The following MARCO variants were observed in gnomAD, a reference collection of about 807,000 sequenced individuals.
MARCO encodes macrophage receptor with collagenous structure.
Under a neutral mutation model 70.0 loss-of-function variants are expected in MARCO, and 72 were observed. The ratio of observed to expected loss-of-function variants is 1.03; its 90% CI spans 0.85 to 1.25. The LOEUF is 1.25. Among genes scored for constraint, MARCO ranks in the 50% most tolerant of loss-of-function variants. The probability of loss-of-function intolerance (pLI) is 0.00; values close to 1 mark genes in which losing one functional copy is unlikely to be tolerated. For synonymous variants in MARCO, 273 were observed against 243.1 expected, an observed-to-expected ratio of 1.12 and a Z score of -1.14; for missense variants, 696 against 659.3, an observed-to-expected ratio of 1.06 and a Z score of -0.61.
intron 1 of MARCO, among the ~76,000 whole-genome samples, chr2:118,954,955 C>A (rs1484626075): frequency 1.3e-5 from 2 of 151,996 alleles, no homozygotes; most frequent in East Asian, 1.9e-4. Context: ...ACAGAACCTA[C>A]CCAAATGAGA....
chr2:118,970,407 A>G (rs1435458321), intron 3 of MARCO, 69 bp downstream of exon 3: 9 of 1,205,514 alleles, frequency 7.5e-6, no homozygotes, highest in Non-Finnish European at 7.1e-6. Context: ...ATCAGGAACC[A>G]GGAAATTAAG....
rs536112542 is a variant in MARCO at position 118,978,870 on chromosome 2, A to G, written c.766+935A>G. On this transcript the variant is annotated intron_variant, in intron 8 of 16. Transcript: ENST00000327097. ...TAGTATTAGTAATAATAATAGTAGT[A>G]GTAGTTATCCTGTAACGTAGAAAGG... Among the ~76,000 whole-genome samples, 6 of 152,308 alleles carry G rather than the reference A, an allele frequency of 3.9e-5. No individual in the cohort carries two copies. The South Asian group carries it at 1.2e-3, about 32-fold the overall frequency.
At chr2:118,991,617 G>A (rs2104613643) in intron 13 of MARCO, among the ~76,000 whole-genome samples, 160 bp from the exon 14 acceptor site, 1 of 152,318 alleles carries the variant, frequency 6.6e-6, no homozygotes, top group East Asian at 1.9e-4. Context: ...GATCAGTGCA[G>A]CCCCCAGATG....
chr2:118,989,858 A>G (rs1328850252), intron 12 of MARCO, among the ~76,000 whole-genome samples: 1 of 152,234 alleles, frequency 6.6e-6, no homozygotes, highest in Admixed American at 6.5e-5. Context: ...TAAAATAAAT[A>G]TTGGCACTTA....
At chr2:118,944,042 A>C (rs773238188) in intron 1 of MARCO, among the ~76,000 whole-genome samples, 13 of 152,162 alleles carry the variant, frequency 8.5e-5, no homozygotes, top group Non-Finnish European at 1.9e-4. Flanking sequence ...AATCAGATCA[A>C]TTGGACTGCA....
chr2:118,948,801 A>ATGTT (rs70949952), intron 1 of MARCO, among the ~76,000 whole-genome samples: 33,506 of 151,676 alleles, frequency 0.22, 5,627 homozygotes, highest in African/African-American at 0.47. Flanking sequence ...AATTGAAGCT[A>ATGTT]TGTTTGTTTG....
chr2:118,988,079 A>T (rs1226284616), intron 12 of MARCO, among the ~76,000 whole-genome samples: 1 of 152,172 alleles, frequency 6.6e-6, no homozygotes, highest in Non-Finnish European at 1.5e-5. Context: ...TCTGTAAAGG[A>T]GGGAAATCAC....
At chr2:118,986,781 T>C (rs10165780) in intron 12 of MARCO, among the ~76,000 whole-genome samples, 7,813 of 110,812 alleles carry the variant, frequency 0.071, 1,824 homozygotes, top group African/African-American at 0.32. Flanking sequence ...AAAGAAAGAG[T>C]GTGAGAGAAA....
chr2:118,954,067 A>G (rs1679780138), intron 1 of MARCO, among the ~76,000 whole-genome samples: 1 of 152,224 alleles, frequency 6.6e-6, no homozygotes, highest in Non-Finnish European at 1.5e-5. Context: ...AAGCCTCCTG[A>G]CCAGAACTCA....
At chr2:118,984,560 CA>C (rs569627642) in intron 12 of MARCO, among the ~76,000 whole-genome samples, 121 of 152,314 alleles carry the variant, frequency 7.9e-4, no homozygotes, top group African/African-American at 2.8e-3. Flanking sequence ...GCAGGTTGCC[CA>C]CCCGAGTCCA....
intron 4 of MARCO, among the ~76,000 whole-genome samples, chr2:118,972,022 G>T (rs557807294): frequency 5.3e-5 from 8 of 152,210 alleles, no homozygotes; most frequent in Non-Finnish European, 1.0e-4. Flanking sequence ...TTCTAATCCT[G>T]GGCCTGGGGC....
At chr2:118,976,530 C>T (rs1240926985) in intron 6 of MARCO, among the ~76,000 whole-genome samples, 1 of 152,142 alleles carries the variant, frequency 6.6e-6, no homozygotes, top group Admixed American at 6.5e-5. Flanking sequence ...CTCCCTGCCC[C>T]TGCCCCTGCC....
At chr2:118,985,475 C>T (rs1047842976) in intron 12 of MARCO, among the ~76,000 whole-genome samples, 7 of 152,154 alleles carry the variant, frequency 4.6e-5, no homozygotes, top group African/African-American at 1.4e-4. Flanking sequence ...TTAAAGAAGA[C>T]AAAGAGGAAA....
intron 1 of MARCO, among the ~76,000 whole-genome samples, chr2:118,945,718 G>A (rs531384793): frequency 2.0e-5 from 3 of 152,044 alleles, no homozygotes; most frequent in Non-Finnish European, 2.9e-5. Flanking sequence ...GGCCCTGTTG[G>A]GACCTCTTAC....
At chr2:118,986,085 AT>A (rs1680477727) in intron 12 of MARCO, among the ~76,000 whole-genome samples, 1 of 152,190 alleles carries the variant, frequency 6.6e-6, no homozygotes, top group South Asian at 2.1e-4. Context: ...CCAATAATTT[AT>A]TAAATTCTAC....
At chr2:118,991,741 C>A in intron 13 of MARCO, 36 bp from the exon 14 acceptor site, 3 of 1,352,624 alleles carry the variant, frequency 2.2e-6, no homozygotes, top group Non-Finnish European at 2.0e-6. Flanking sequence ...GAAGGCAAAG[C>A]AGGGCACCTG....
intron 1 of MARCO, among the ~76,000 whole-genome samples, chr2:118,965,812 C>A (rs982539293): frequency 6.6e-6 from 1 of 152,164 alleles, no homozygotes; most frequent in Admixed American, 6.5e-5. Flanking sequence ...ACTTTGTTTA[C>A]CTGGTGCCAT....
At chr2:118,979,896 G>A (rs1011709142) in intron 8 of MARCO, among the ~76,000 whole-genome samples, 9 of 152,312 alleles carry the variant, frequency 5.9e-5, no homozygotes, top group African/African-American at 2.2e-4. Flanking sequence ...CCAACTTAAA[G>A]TCCCAGGGGA....
intron 16 of MARCO, among the ~76,000 whole-genome samples, chr2:118,993,610 G>C (rs1313475982): frequency 2.6e-5 from 4 of 152,184 alleles, no homozygotes; most frequent in Non-Finnish European, 5.9e-5. Context: ...GCTCTCCAAA[G>C]GACAGCTGAG....
Sources: allele counts gnomAD v4.1 joint callset (sites outside exome capture counted in the v4.1 genomes callset), GRCh38; gene constraint gnomAD v4.1.1; transcripts MANE v1.5; gene names NCBI Gene and HGNC (gene_info 2026-07-23, HGNC 2026-07-21).